CGNL1: variants seen among roughly 807,000 people sequenced by gnomAD.
The protein encoded by CGNL1 is cingulin like 1.
Under a neutral mutation model 141.2 loss-of-function variants are expected in CGNL1, and 132 were observed. The observed-to-expected ratio is 0.93, with a 90% CI of 0.81 to 1.08. The LOEUF (loss-of-function observed/expected upper bound fraction) is 1.08. CGNL1 is among the 50% of genes least tolerant of loss of function. The pLI is 0.00. For synonymous variants in CGNL1, 690 were observed against 622.1 expected, an observed-to-expected ratio of 1.11 and a Z score of -1.63; for missense variants, 1,870 against 1,588.6, an observed-to-expected ratio of 1.18 and a Z score of -3.01.
chr15:57,380,737 T>C (rs1260544271), intron 1 of CGNL1, among the ~76,000 whole-genome samples: 5 of 152,040 alleles, frequency 3.3e-5, no homozygotes, highest in African/African-American at 4.8e-5. Flanking sequence ...GTCTTTTGCT[T>C]CTGGAGTCTA....
At position 57,451,594 on chromosome 15, in the gene CGNL1, A is replaced by G. The variant is rs1479974468; in HGVS notation, c.1898A>G (p.Glu633Gly). ...GAACTTCAGAGACAGCTTCAACTGGAAGTCAAGGTATCTGGTTTTTCCTTT... is the reference window on the plus strand; with the variant it reads ...GAACTTCAGAGACAGCTTCAACTGGGAGTCAAGGTATCTGGTTTTTCCTTT... Reference protein sequence around the residue: ...VAELQRQLQLEVKNQQNIKEE... With the variant: ...VAELQRQLQLGVKNQQNIKEE... Residue 633 changes from glutamate (E) to glycine (G), a missense_variant, in exon 5 of 19, where the codon GAA becomes GGA. Transcript: ENST00000281282. The G allele has an allele frequency of 1.9e-6, 3 of 1,604,498 alleles. No homozygotes were observed. Among genetic ancestry groups the G allele is most frequent in the African/African-American group, 2.7e-5 (2 of 74,630 alleles).
At position 57,516,796 on chromosome 15, in the gene CGNL1, C is replaced by A. The variant is rs780359042; in HGVS notation, c.2420C>A (p.Ala807Glu). ...EEATKNVEVL[A>E]SRSNTSEQDQ... ...TTTTAACAGAATGTCGAGGTCTTGG[C>A]GAGCAGGAGCAACACTTCAGAGCAA... The change falls in exon 9 of 19, where the codon GCG becomes GAG. Residue 807 changes from alanine to glutamate, a missense_variant. Transcript: ENST00000281282. The A allele has an allele frequency of 5.0e-6, 8 of 1,614,040 alleles. No homozygotes were observed. Among genetic ancestry groups the A allele is most frequent in the Non-Finnish European group, 6.8e-6 (8 of 1,179,974 alleles).
intron 4 of CGNL1, among the ~76,000 whole-genome samples, chr15:57,446,979 A>T (rs1193859214): frequency 6.6e-6 from 1 of 151,884 alleles, no homozygotes; most frequent in Non-Finnish European, 1.5e-5. Flanking sequence ...CTTCTCCGAG[A>T]TTATCTTAGC....
rs551574464 is a variant in CGNL1, at chr15:57,397,929, C to T, written c.-16+21362C>T. 2.2e-4 allele frequency among the ~76,000 whole-genome samples: 33 copies of T among 152,098 alleles called. No individual in the cohort carries two copies. In the South Asian group the frequency reaches 5.4e-3, roughly 25 times the overall value. On this transcript the variant is annotated intron_variant, in intron 1 of 18. Transcript: ENST00000281282. The stretch of plus-strand genomic sequence containing the variant: ...TCCCGAGTAGCTGGGATTATAGGTG[C>T]GTGCCACCACACCATGCTAATTTTT...
chr15:57,545,812 C>T, intron 17 of CGNL1, 112 bp downstream of exon 17: 1 of 887,536 alleles, frequency 1.1e-6, no homozygotes, highest in Non-Finnish European at 1.8e-6. Flanking sequence ...TGGGCTGATT[C>T]CTCCCTTTCC....
intron 8 of CGNL1, among the ~76,000 whole-genome samples, chr15:57,475,732 C>T (rs1269458151): frequency 6.6e-6 from 1 of 152,128 alleles, no homozygotes; most frequent in African/African-American, 2.4e-5. Flanking sequence ...GACCTGCTGT[C>T]CTGTGCTCTC....
chr15:57,509,910 T>C (rs1004455439), intron 8 of CGNL1, among the ~76,000 whole-genome samples: 1 of 152,222 alleles, frequency 6.6e-6, no homozygotes, highest in Non-Finnish European at 1.5e-5. Context: ...GCCATCGGTT[T>C]ACCACACCAC....
chr15:57,546,036 C>A, intron 17 of CGNL1, 40 bp from the exon 18 acceptor site: 3 of 1,588,356 alleles, frequency 1.9e-6, no homozygotes, highest in Non-Finnish European at 2.6e-6. Flanking sequence ...TGGGGCTGGG[C>A]CATCAGCCGG....
At chr15:57,427,871 G>GC (rs2062996457) in intron 1 of CGNL1, among the ~76,000 whole-genome samples, 1 of 152,178 alleles carries the variant, frequency 6.6e-6, no homozygotes. Flanking sequence ...GGGAAGGAAA[G>GC]CCCCCTTGAG....
intron 8 of CGNL1, among the ~76,000 whole-genome samples, chr15:57,489,675 C>T (rs1297549080): frequency 6.6e-6 from 1 of 152,104 alleles, no homozygotes; most frequent in Non-Finnish European, 1.5e-5. Flanking sequence ...CGATTCTTGC[C>T]TCATTGAATT....
At chr15:57,531,515 A>G (rs1463301174) in intron 13 of CGNL1, among the ~76,000 whole-genome samples, 175 bp from the exon 14 acceptor site, 1 of 152,232 alleles carries the variant, frequency 6.6e-6, no homozygotes, top group African/African-American at 2.4e-5. Flanking sequence ...CATGAAACAC[A>G]TAGTTTAAGA....
intron 14 of CGNL1, among the ~76,000 whole-genome samples, chr15:57,532,850 T>C (rs1232490545): frequency 1.3e-5 from 2 of 152,348 alleles, no homozygotes; most frequent in African/African-American, 4.8e-5. Flanking sequence ...AATAGATTGT[T>C]ATTCATAACC....
At chr15:57,484,342 C>T (rs1325681018) in intron 8 of CGNL1, among the ~76,000 whole-genome samples, 10 of 152,168 alleles carry the variant, frequency 6.6e-5, no homozygotes, top group Admixed American at 6.5e-4. Context: ...GTAGTTTGTA[C>T]TTTTTAAGGA....
Position 57,518,405 on chromosome 15 carries a change from C to G in CGNL1, c.2623C>G (p.Gln875Glu). 6.2e-7 allele frequency: 1 copy of G among 1,612,748 alleles called. No individual in the cohort carries two copies. The change falls in exon 10 of 19, where the codon CAG becomes GAG. Residue 875 changes from glutamine (Q) to glutamate (E), a missense_variant. Physicochemically the swap from Gln to Glu is conservative, Grantham distance 29. Transcript: ENST00000281282. ...TGTTTCATTGTAGGGAGAAATACGA[C>G]AGTTAGAGGAGGCCCTTGTGCACGC... Reference protein sequence around the residue: ...TLKKYEGEIRQLEEALVHARK... With the variant: ...TLKKYEGEIRELEEALVHARK...
At chr15:57,547,315 G>A (rs373522485) in intron 18 of CGNL1, 40 bp from the exon 19 acceptor site, 91 of 1,607,594 alleles carry the variant, frequency 5.7e-5, no homozygotes, top group Middle Eastern at 3.3e-4. Flanking sequence ...TATGGGCCCC[G>A]GCCCAGGGCC....
chr15:57,424,459 C>A (rs2062951414), intron 1 of CGNL1, among the ~76,000 whole-genome samples: 1 of 152,138 alleles, frequency 6.6e-6, no homozygotes, highest in African/African-American at 2.4e-5. Context: ...CCTTGTCTCC[C>A]CATCTAACTG....
intron 7 of CGNL1, among the ~76,000 whole-genome samples, chr15:57,456,879 ACTT>A (rs2063385536): frequency 6.6e-6 from 1 of 152,242 alleles, no homozygotes; most frequent in African/African-American, 2.4e-5. Flanking sequence ...AGATACAGGT[ACTT>A]CAGTCTCATT....
intron 6 of CGNL1, among the ~76,000 whole-genome samples, 186 bp downstream of exon 6, chr15:57,452,475 AG>A (rs2063333570): frequency 6.6e-6 from 1 of 152,228 alleles, no homozygotes; most frequent in Non-Finnish European, 1.5e-5. Context: ...ATAAACAAAA[AG>A]GTTAGTAATT....
intron 8 of CGNL1, among the ~76,000 whole-genome samples, chr15:57,483,128 A>G (rs1254833285): frequency 6.6e-6 from 1 of 152,168 alleles, no homozygotes; most frequent in Non-Finnish European, 1.5e-5. Flanking sequence ...GTCTGTATCT[A>G]TACAAATTTT....
Sources: gnomAD v4.1 joint callset for allele counts (sites outside exome capture counted in the v4.1 genomes callset) on GRCh38, gnomAD v4.1.1 for gene constraint, MANE v1.5 for transcripts, NCBI Gene and HGNC (gene_info 2026-07-23, HGNC 2026-07-21) for gene names.